ABI3BP: variants seen among roughly 807,000 people sequenced by gnomAD.
ABI3BP encodes ABI family member 3 binding protein, also known as target of Nesh-SH3.
ABI3BP carries 216 observed loss-of-function variants against 268.6 expected under a neutral mutation model. That is an observed-to-expected ratio of 0.80 (90% CI 0.72 to 0.90). The LOEUF (loss-of-function observed/expected upper bound fraction) is 0.90, where lower values mean the gene tolerates loss of function less well. ABI3BP is among the 40% of genes least tolerant of loss of function. The pLI, the probability that ABI3BP is intolerant of heterozygous loss-of-function variation, is 0.00. For synonymous variants in ABI3BP, 730 were observed against 730.0 expected, an observed-to-expected ratio of 1.00 and a Z score of 0.00; for missense variants, 2,090 against 2,182.4, an observed-to-expected ratio of 0.96 and a Z score of 0.84.
chr3:100,838,337 G>A (rs2098636382), intron 25 of ABI3BP, 53 bp from the exon 26 acceptor site: 2 of 1,526,306 alleles, frequency 1.3e-6, no homozygotes, highest in Non-Finnish European at 1.8e-6. Flanking sequence ...TGTGAATGTG[G>A]AGATTAATGT....
At chr3:100,919,104 T>C (rs1055177365) in intron 2 of ABI3BP, among the ~76,000 whole-genome samples, 2 of 152,230 alleles carry the variant, frequency 1.3e-5, no homozygotes, top group Non-Finnish European at 2.9e-5. Context: ...AAGAGAGGGC[T>C]CAGCTGGCTT....
At chr3:100,957,603 G>T (rs915344128) in intron 1 of ABI3BP, among the ~76,000 whole-genome samples, 1 of 152,166 alleles carries the variant, frequency 6.6e-6, no homozygotes, top group African/African-American at 2.4e-5. Context: ...CAGGAACTCA[G>T]TCCTGGGACA....
In ABI3BP at chr3:100,780,120, GT is replaced by G; in HGVS notation, c.4240+11del. The G allele has an allele frequency of 6.2e-7, 1 of 1,611,938 alleles. No homozygotes were observed. Among genetic ancestry groups the G allele is most frequent in the Middle Eastern group, 1.7e-4 (1 of 6,042 alleles). ...GCTGAGCTGTCATAAAAGTCAGCATGTTATTACTTACCTGGCTTTTTAGTGG... is the reference window on the plus strand; with the variant it reads ...GCTGAGCTGTCATAAAAGTCAGCATGTATTACTTACCTGGCTTTTTAGTGG... On this transcript the variant is annotated intron_variant, in intron 58 of 67. Transcript: ENST00000471714.
chr3:100,908,575 C>A (rs1360459567), intron 2 of ABI3BP, among the ~76,000 whole-genome samples: 2 of 150,538 alleles, frequency 1.3e-5, no homozygotes, highest in Non-Finnish European at 3.0e-5. Flanking sequence ...GATACAAAAT[C>A]AATGTGCAAA....
intron 1 of ABI3BP, among the ~76,000 whole-genome samples, chr3:100,944,229 T>A (rs2071005893): frequency 6.6e-6 from 1 of 152,180 alleles, no homozygotes; most frequent in African/African-American, 2.4e-5. Flanking sequence ...TTTTAATTTT[T>A]AAAAATCCTG....
At chr3:100,976,790 G>C (rs116323433) in intron 1 of ABI3BP, among the ~76,000 whole-genome samples, 1 of 152,118 alleles carries the variant, frequency 6.6e-6, no homozygotes, top group Non-Finnish European at 1.5e-5. Context: ...GGTCAGCTAC[G>C]GGGCAGATCT....
At chr3:100,818,129 C>T (rs73135540) in intron 41 of ABI3BP, among the ~76,000 whole-genome samples, 294 of 152,216 alleles carry the variant, frequency 1.9e-3, no homozygotes, top group South Asian at 0.011. Flanking sequence ...ACAAAAAAAT[C>T]AATGTTACAC....
chr3:100,965,092 T>G (rs1411366644), intron 1 of ABI3BP, among the ~76,000 whole-genome samples: 1 of 152,216 alleles, frequency 6.6e-6, no homozygotes, highest in Non-Finnish European at 1.5e-5. Flanking sequence ...GCCTTCTTAT[T>G]GGTCGTTTGC....
intron 2 of ABI3BP, among the ~76,000 whole-genome samples, chr3:100,923,452 C>T (rs961823764): frequency 2.6e-5 from 4 of 152,070 alleles, no homozygotes; most frequent in South Asian, 2.1e-4. Context: ...AGTAAATAAT[C>T]GAGCATATTT....
At chr3:100,909,500 T>C (rs1283658132) in intron 2 of ABI3BP, among the ~76,000 whole-genome samples, 1 of 152,158 alleles carries the variant, frequency 6.6e-6, no homozygotes, top group Non-Finnish European at 1.5e-5. Flanking sequence ...GGGAGAAAGT[T>C]TTTGTGATCT....
At position 100,985,724 on chromosome 3, in the gene ABI3BP, G is replaced by C. The variant is rs116292708; in HGVS notation, c.79+7582C>G. Among the ~76,000 whole-genome samples the C allele has an allele frequency of 8.3e-3, 1,263 of 152,166 alleles. 20 individuals are homozygous for C. The highest frequency in any genetic ancestry group is 0.029 in the African/African-American group (1,187 of 41,508). The stretch of plus-strand genomic sequence containing the variant: ...ATATTGGGTGCTGAATATTTACTTG[G>C]TACTCTTAAGATATTTATCTCAATT... On this transcript the variant is annotated intron_variant, in intron 1 of 67. Coordinates refer to ENST00000471714, the MANE Select transcript of ABI3BP (RefSeq NM_001375547.2).
At chr3:100,811,870 T>A in intron 46 of ABI3BP, 71 bp from the exon 47 acceptor site, 1 of 1,089,840 alleles carries the variant, frequency 9.2e-7, no homozygotes, top group Non-Finnish European at 1.3e-6. Context: ...ACCCTGCATT[T>A]AATTTAAAAA....
intron 49 of ABI3BP, among the ~76,000 whole-genome samples, chr3:100,808,595 CA>C (rs1417123817): frequency 6.6e-6 from 1 of 151,938 alleles, no homozygotes; most frequent in African/African-American, 2.4e-5. Flanking sequence ...ATTTTAAATG[CA>C]GACACATATG....
At chr3:100,837,511 T>C (rs1006830511) in intron 26 of ABI3BP, among the ~76,000 whole-genome samples, 7 of 152,200 alleles carry the variant, frequency 4.6e-5, no homozygotes, top group African/African-American at 1.7e-4. Context: ...CCCAGCACTT[T>C]GGGAGGCCAA....
At chr3:100,864,536 G>A in intron 11 of ABI3BP, 1 of 349,156 alleles carries the variant, frequency 2.9e-6, no homozygotes. Context: ...AGATTTGGGA[G>A]TTAAAAGGCT....
intron 2 of ABI3BP, among the ~76,000 whole-genome samples, chr3:100,904,555 A>G (rs1487173509): frequency 1.3e-5 from 2 of 152,144 alleles, no homozygotes; most frequent in Non-Finnish European, 2.9e-5. Flanking sequence ...ACCATTCAAT[A>G]AAAGGGTAAG....
chr3:100,897,253 T>C (rs1331921688), intron 4 of ABI3BP, among the ~76,000 whole-genome samples: 1 of 152,174 alleles, frequency 6.6e-6, no homozygotes, highest in Non-Finnish European at 1.5e-5. Flanking sequence ...CTTGTGGGAA[T>C]GTAGATGGAA....
At position 100,874,899 on chromosome 3, in the gene ABI3BP, A is replaced by T; in HGVS notation, c.852T>A (p.Thr284=). Residue 284 remains threonine, a synonymous_variant, in exon 9 of 68, where the codon ACT becomes ACA. Coordinates refer to ENST00000471714, the MANE Select transcript of ABI3BP (RefSeq NM_001375547.2). ...HLIIPGLNET[T]VKLPASLMFE... is the part of the protein sequence containing the mutation. ...ACATTAGGGATGCAGGAAGTTTTAC[A>T]GTAGTTTCATTAAGACCTGGAATAA... The T allele has an allele frequency of 1.2e-6, 2 of 1,600,826 alleles. No homozygotes were observed. The highest frequency in any genetic ancestry group is 1.7e-6 in the Non-Finnish European group (2 of 1,172,448).
chr3:100,857,294 G>A (rs2098950861), intron 14 of ABI3BP, among the ~76,000 whole-genome samples: 1 of 152,106 alleles, frequency 6.6e-6, no homozygotes, highest in South Asian at 2.1e-4. Context: ...GCCAATGCAA[G>A]ATTTCATTGT....
Sources: allele counts gnomAD v4.1 joint callset (sites outside exome capture counted in the v4.1 genomes callset), GRCh38; gene constraint gnomAD v4.1.1; transcripts MANE v1.5; gene names NCBI Gene and HGNC (gene_info 2026-07-23, HGNC 2026-07-21).